The following LRRC69 variants were observed in gnomAD, a reference collection of about 807,000 sequenced individuals.
LRRC69 encodes leucine rich repeat containing 69, also known as leucine-rich repeat-containing protein 69.
A neutral mutation model predicts 37.8 loss-of-function variants in LRRC69; 42 were observed. The observed-to-expected ratio is 1.11, with a 90% CI of 0.87 to 1.44. The LOEUF is 1.44. Among genes scored for constraint, LRRC69 ranks in the 40% most tolerant of loss-of-function variants. LRRC69 has a pLI of 0.00. For missense variants in LRRC69, 357 were observed against 401.9 expected, an observed-to-expected ratio of 0.89 and a Z score of 0.96; for synonymous variants, 141 against 143.1, an observed-to-expected ratio of 0.99 and a Z score of 0.11.
chr8:91,190,593 GA>G (rs1809477338), intron 6 of LRRC69, among the ~76,000 whole-genome samples: 1 of 152,012 alleles, frequency 6.6e-6, no homozygotes, highest in African/African-American at 2.4e-5. Context: ...CAATTATTGT[GA>G]ATAGCTTTCC....
chr8:91,182,286 T>G (rs1809338451), intron 5 of LRRC69, among the ~76,000 whole-genome samples: 1 of 152,162 alleles, frequency 6.6e-6, no homozygotes. Flanking sequence ...CTTTACTCAG[T>G]ATCATATCAG....
intron 5 of LRRC69, among the ~76,000 whole-genome samples, chr8:91,177,997 C>T (rs1000572077): frequency 7.2e-5 from 11 of 151,856 alleles, no homozygotes; most frequent in African/African-American, 1.5e-4. Context: ...TACTGGGGCC[C>T]GCCACCACAC....
chr8:91,134,486 A>AT lies in LRRC69; in HGVS notation c.580-1172dup, dbSNP rs1035584129. 5.0e-4 allele frequency among the ~76,000 whole-genome samples: 41 copies of AT among 81,358 alleles called. 1 individual carries two copies. Among genetic ancestry groups the AT allele is most frequent in the Admixed American group, 1.5e-3 (16 of 10,366 alleles). 53.4% of individuals were successfully genotyped at this position (81,358 alleles called of 152,430 possible). A position where few individuals can be genotyped will look rare whatever the true frequency, so the allele number is the denominator to read the frequency against. ...AGCTCCAGGAGAGAGAGGAAATTAC[A>AT]TTTTTTTTTTCATCAAGTCACTAAC... On this transcript the variant is annotated intron_variant, in intron 4 of 7. Coordinates refer to ENST00000448384, the Ensembl canonical transcript of LRRC69.
At chr8:91,191,052 C>CA (rs796536791) in intron 6 of LRRC69, among the ~76,000 whole-genome samples, 2 of 145,348 alleles carry the variant, frequency 1.4e-5, no homozygotes, top group Non-Finnish European at 3.0e-5. Context: ...CCCCCCCCCC[C>CA]CCAAGTCAAA....
chr8:91,105,561 TG>T (rs2130470836), intron 1 of LRRC69, among the ~76,000 whole-genome samples: 1 of 150,150 alleles, frequency 6.7e-6, no homozygotes, highest in Non-Finnish European at 1.5e-5. Context: ...CACGTGCCTC[TG>T]GTCCCAGAGG....
chr8:91,151,032 A>G (rs965690554), intron 5 of LRRC69, among the ~76,000 whole-genome samples: 20 of 151,816 alleles, frequency 1.3e-4, no homozygotes, highest in African/African-American at 4.8e-4. Flanking sequence ...TTTTCAAAAA[A>G]CCAGCTCCTG....
intron 7 of LRRC69, among the ~76,000 whole-genome samples, chr8:91,211,843 G>A (rs2130646868): frequency 6.6e-6 from 1 of 151,968 alleles, no homozygotes; most frequent in African/African-American, 2.4e-5. Flanking sequence ...GGAGACACTG[G>A]ATGATAAATG....
intron 1 of LRRC69, among the ~76,000 whole-genome samples, chr8:91,108,628 T>C (rs908417871): frequency 3.3e-5 from 5 of 152,068 alleles, no homozygotes; most frequent in Admixed American, 3.3e-4. Context: ...AGCAAGCTTG[T>C]CTAACCCGTG....
At chr8:91,201,216 G>C (rs1179283179) in intron 7 of LRRC69, among the ~76,000 whole-genome samples, 1 of 152,154 alleles carries the variant, frequency 6.6e-6, no homozygotes, top group Non-Finnish European at 1.5e-5. Context: ...ACGCATGAAT[G>C]TGCACCTGCA....
intron 6 of LRRC69, among the ~76,000 whole-genome samples, chr8:91,197,501 T>C (rs1244315298): frequency 6.6e-6 from 1 of 151,944 alleles, no homozygotes; most frequent in Admixed American, 6.6e-5. Flanking sequence ...CGAGACTCCG[T>C]GGGCGTAGGA....
At chr8:91,198,921 A>G (rs1809667231) in intron 6 of LRRC69, among the ~76,000 whole-genome samples, 1 of 152,222 alleles carries the variant, frequency 6.6e-6, no homozygotes, top group South Asian at 2.1e-4. Flanking sequence ...TCCTTCCAAA[A>G]TAACACATTG....
At chr8:91,135,628 T>C (rs1268757381) in intron 4 of LRRC69, 40 bp from the exon 5 acceptor site, 26 of 1,239,818 alleles carry the variant, frequency 2.1e-5, no homozygotes, top group Non-Finnish European at 2.7e-5. Flanking sequence ...ATTTTAAATA[T>C]TAGATTTAAA....
chr8:91,204,375 G>C (rs1355712958), intron 7 of LRRC69, among the ~76,000 whole-genome samples: 1 of 152,218 alleles, frequency 6.6e-6, no homozygotes, highest in Non-Finnish European at 1.5e-5. Flanking sequence ...ACAGCTAATA[G>C]TGAAAAAAGA....
At chr8:91,154,455 G>C (rs1175806663) in intron 5 of LRRC69, among the ~76,000 whole-genome samples, 1 of 151,662 alleles carries the variant, frequency 6.6e-6, no homozygotes, top group Non-Finnish European at 1.5e-5. Flanking sequence ...TCTCTGATGA[G>C]TATTGATGCA....
At chr8:91,121,900 C>CA (rs1203903163) in intron 1 of LRRC69, among the ~76,000 whole-genome samples, 2 of 151,916 alleles carry the variant, frequency 1.3e-5, no homozygotes, top group African/African-American at 4.8e-5. Context: ...AAAAAACCCA[C>CA]AAAAAAACAA....
chr8:91,150,362 G>C (rs1808710067), intron 5 of LRRC69, among the ~76,000 whole-genome samples: 1 of 151,958 alleles, frequency 6.6e-6, no homozygotes, highest in African/African-American at 2.4e-5. Context: ...TTTGTCATTG[G>C]TTCTGTTTAT....
chr8:91,122,470 G>T (rs552974840), intron 1 of LRRC69, among the ~76,000 whole-genome samples: 1 of 152,060 alleles, frequency 6.6e-6, no homozygotes, highest in Non-Finnish European at 1.5e-5. Flanking sequence ...TCACATCTAG[G>T]TATCTCTTTG....
intron 5 of LRRC69, among the ~76,000 whole-genome samples, chr8:91,176,162 G>A (rs1312507883): frequency 1.8e-5 from 1 of 55,428 alleles, no homozygotes; most frequent in Non-Finnish European, 3.9e-5. Flanking sequence ...TTTTGAGACA[G>A]TCTCACTCTG....
chr8:91,130,890 C>T (rs914611308), intron 3 of LRRC69: 3 of 152,000 alleles, frequency 2.0e-5, no homozygotes, highest in Non-Finnish European at 4.4e-5. Context: ...TGTGTCCTCA[C>T]ATGGTAGAAG....
Sources: allele counts gnomAD v4.1 joint callset (sites outside exome capture counted in the v4.1 genomes callset), GRCh38; gene constraint gnomAD v4.1.1; transcripts MANE v1.5; gene names NCBI Gene and HGNC (gene_info 2026-07-23, HGNC 2026-07-21).